Variants in KCNK10 observed in about 807,000 individuals in gnomAD.
KCNK10 encodes the protein potassium two pore domain channel subfamily K member 10.
KCNK10 carries 25 observed loss-of-function variants against 47.7 expected under a neutral mutation model. The ratio of observed to expected loss-of-function variants is 0.52; its 90% confidence interval spans 0.38 to 0.73. KCNK10 has a LOEUF of 0.73. KCNK10 is among the 30% of genes least tolerant of loss of function. KCNK10 has a pLI of 0.00. For synonymous variants in KCNK10, 303 were observed against 285.6 expected, an observed-to-expected ratio of 1.06 and a Z score of -0.61; for missense variants, 563 against 714.5, an observed-to-expected ratio of 0.79 and a Z score of 2.42.
intron 4 of KCNK10, among the ~76,000 whole-genome samples, chr14:88,208,347 A>C (rs1270031467): frequency 6.6e-6 from 1 of 152,224 alleles, no homozygotes; most frequent in East Asian, 1.9e-4. Context: ...AGCAGGTGTC[A>C]CATATTTATA....
In KCNK10 at chr14:88,186,739, G is replaced by A. The variant is rs2139820847; in HGVS notation, c.1012-584C>T. 6.6e-6 allele frequency among the ~76,000 whole-genome samples: 1 copy of A among 152,320 alleles called. No individual in the cohort carries two copies. The highest frequency in any genetic ancestry group is 3.4e-3 in the Middle Eastern group (1 of 294). On this transcript the variant is annotated intron_variant, in intron 6 of 6. Coordinates refer to ENST00000319231, the MANE Select transcript of KCNK10 (RefSeq NM_138317.3). The surrounding 1 kb of genome is among the most constrained non-coding windows in gnomAD (Gnocchi z 5.5). ...ACTCCCTCAGTCCTGGGAAAACTGG[G>A]ATGGGTGGCCACCCTATCTGGGCCA...
chr14:88,295,210 C>G (rs995892633), intron 1 of KCNK10, among the ~76,000 whole-genome samples: 1 of 152,226 alleles, frequency 6.6e-6, no homozygotes, highest in Non-Finnish European at 1.5e-5. Context: ...CAACTTTGCT[C>G]TGTCACCCTT....
At position 88,263,511 on chromosome 14, in the gene KCNK10, G is replaced by T; in HGVS notation, c.93C>A (p.Ser31Arg). 1 of 1,613,020 alleles carries T rather than the reference G, an allele frequency of 6.2e-7. No homozygotes were observed. The change falls in exon 2 of 7, where the codon AGC becomes AGA. Residue 31 changes from serine to arginine, a missense_variant. Transcript: ENST00000319231. ...PAAAPVCQPK[S>R]ATNGQPPAPA... ...GAGCCGGGGGTTGCCCGTTAGTGGC[G>T]CTCTTGGGCTGGCACACCGGTGCTG... is the stretch of plus-strand genomic sequence containing the variant.
At chr14:88,245,797 T>C (rs1886620756) in intron 2 of KCNK10, among the ~76,000 whole-genome samples, 1 of 152,208 alleles carries the variant, frequency 6.6e-6, no homozygotes, top group African/African-American at 2.4e-5. Flanking sequence ...AGTTGATCTA[T>C]TGTCCAAAGC....
intron 2 of KCNK10, among the ~76,000 whole-genome samples, chr14:88,262,490 G>A (rs1235791595): frequency 6.6e-6 from 1 of 152,050 alleles, no homozygotes; most frequent in Non-Finnish European, 1.5e-5. Context: ...GCTCCTTACC[G>A]CCACAGTCCA....
intron 1 of KCNK10, among the ~76,000 whole-genome samples, chr14:88,270,119 C>T (rs1436346891): frequency 1.3e-5 from 2 of 152,168 alleles, no homozygotes; most frequent in Non-Finnish European, 2.9e-5. Context: ...CGACCTCCCA[C>T]CCCTACTCTA....
Position 88,181,086 on chromosome 14 carries a change from C to T in KCNK10, c.*4449G>A, listed in dbSNP as rs182439205. 3 of 356,744 alleles carry T rather than the reference C, an allele frequency of 8.4e-6. No homozygotes were observed. The highest frequency in any genetic ancestry group is 1.5e-5 in the Non-Finnish European group (3 of 200,184). 22.1% of individuals were successfully genotyped at this position (356,744 alleles called of 1,614,324 possible). A position where few individuals can be genotyped will look rare whatever the true frequency, so the allele number is the denominator to read the frequency against. Reference sequence around the variant, plus strand: ...CAACACTGGCTGGTTTTTCCTTTCTCGTTTTACAGGGGCTCTGAATGTTTG... The same window carrying T: ...CAACACTGGCTGGTTTTTCCTTTCTTGTTTTACAGGGGCTCTGAATGTTTG... On this transcript the variant is annotated 3_prime_UTR_variant, in exon 7 of 7. Coordinates refer to ENST00000319231, the MANE Select transcript of KCNK10 (RefSeq NM_138317.3).
intron 1 of KCNK10, among the ~76,000 whole-genome samples, chr14:88,282,455 C>T (rs190770525): frequency 2.0e-3 from 301 of 152,322 alleles, no homozygotes; most frequent in Non-Finnish European, 2.9e-3. Context: ...AATTCCAAAT[C>T]TCAATATTTG....
intron 4 of KCNK10, among the ~76,000 whole-genome samples, chr14:88,226,393 T>C (rs1398946606): frequency 1.3e-5 from 2 of 152,164 alleles, no homozygotes; most frequent in Non-Finnish European, 2.9e-5. Context: ...TAAGAGTTCT[T>C]AGAGGGGGAA....
intron 4 of KCNK10, among the ~76,000 whole-genome samples, chr14:88,201,941 T>C (rs1784799): frequency 0.99 from 151,250 of 152,370 alleles, 75,087 homozygotes; most frequent in Middle Eastern, 1. Flanking sequence ...AACAGTGCCC[T>C]ACCCTTTGGT....
At position 88,188,944 on chromosome 14, in the gene KCNK10, C is replaced by G. The variant is rs374788669; in HGVS notation, c.869-835G>C. Among the ~76,000 whole-genome samples, 4 of 152,130 alleles carry G rather than the reference C, an allele frequency of 2.6e-5. No homozygotes were observed. In the East Asian group the frequency reaches 5.8e-4, roughly 22 times the overall value. ...AAAACAGGTTGCAAGCCCAACCCAC[C>G]GTCCTAAAGAAGTGAGGAAGCTCCT... On this transcript the variant is annotated intron_variant, in intron 5 of 6. Transcript: ENST00000319231.
chr14:88,275,462 G>A (rs1441048922), intron 1 of KCNK10, among the ~76,000 whole-genome samples: 1 of 152,012 alleles, frequency 6.6e-6, no homozygotes, highest in East Asian at 1.9e-4. Flanking sequence ...CTCAGGGCAG[G>A]TATCCCAGAA....
chr14:88,316,534 G>C (rs1036203686), intron 1 of KCNK10, among the ~76,000 whole-genome samples: 1 of 152,110 alleles, frequency 6.6e-6, no homozygotes, highest in African/African-American at 2.4e-5. Context: ...CACCCAGGTG[G>C]GTGGAACCAA....
At chr14:88,201,012 G>T (rs1220728550) in intron 4 of KCNK10, among the ~76,000 whole-genome samples, 1 of 152,170 alleles carries the variant, frequency 6.6e-6, no homozygotes, top group Non-Finnish European at 1.5e-5. Flanking sequence ...GTAGTAAAGG[G>T]AGTTGTTGCA....
rs10132566 is a variant in KCNK10 at position 88,260,099 on chromosome 14, C to T, written c.402+3103G>A. ...CTGGGACCACAGGTGCACACCACCA[C>T]GCCTGGCTAATTTTTGTATTTTAGG... On this transcript the variant is annotated intron_variant, in intron 2 of 6. Coordinates refer to ENST00000319231, the MANE Select transcript of KCNK10 (RefSeq NM_138317.3). The surrounding 1 kb of genome is among the most constrained non-coding windows in gnomAD (Gnocchi z 4.5). 0.015 allele frequency among the ~76,000 whole-genome samples: 2,299 copies of T among 152,212 alleles called. 54 individuals are homozygous for T. Among genetic ancestry groups the T allele is most frequent in the African/African-American group, 0.053 (2,183 of 41,512 alleles).
chr14:88,252,589 T>C (rs1886831883), intron 2 of KCNK10, among the ~76,000 whole-genome samples: 1 of 152,160 alleles, frequency 6.6e-6, no homozygotes, highest in South Asian at 2.1e-4. Flanking sequence ...ATCTGCAGAA[T>C]AGCAGCTTTG....
rs55899872 is a variant in KCNK10, at chr14:88,274,566, A to AAAAAAAAAAAAAAAAAT, written c.53-11016_53-11015insATTTTTTTTTTTTTTTT. Among the ~76,000 whole-genome samples the AAAAAAAAAAAAAAAAAT allele has an allele frequency of 4.9e-3, 690 of 139,592 alleles. 84 individuals carry two copies. The highest frequency in any genetic ancestry group is 0.02 in the African/African-American group (655 of 32,112). The allele number at this position is 139,592 out of a possible 152,430, so 91.6% of individuals were successfully genotyped here. On this transcript the variant is annotated intron_variant, in intron 1 of 6. Coordinates refer to ENST00000319231, the MANE Select transcript of KCNK10 (RefSeq NM_138317.3). ...ACTCTATCTAAAAAAAAAAAAAAAA[A>AAAAAAAAAAAAAAAAAT]GATCTTATGGCTTAAGTCCGTAACA...
intron 4 of KCNK10, among the ~76,000 whole-genome samples, chr14:88,219,170 C>A (rs1885717305): frequency 6.6e-6 from 1 of 152,184 alleles, no homozygotes; most frequent in African/African-American, 2.4e-5. Context: ...CACAAACGAC[C>A]TGGAACTAAA....
At chr14:88,310,931 T>C (rs1428093768) in intron 1 of KCNK10, among the ~76,000 whole-genome samples, 2 of 152,186 alleles carry the variant, frequency 1.3e-5, no homozygotes, top group African/African-American at 4.8e-5. Flanking sequence ...TTGCATGTAT[T>C]GATTCATCGA....
Sources: allele counts gnomAD v4.1 joint callset (sites outside exome capture counted in the v4.1 genomes callset), GRCh38; gene constraint gnomAD v4.1.1; non-coding constraint Gnocchi (gnomAD v3.1); transcripts MANE v1.5; gene names NCBI Gene and HGNC (gene_info 2026-07-23, HGNC 2026-07-21).